Variants in ZNF560 observed in about 807,000 individuals in gnomAD.
ZNF560 encodes zinc finger protein 560.
In ZNF560, 54 loss-of-function variants were observed where a neutral mutation model predicts 81.8. That is an observed-to-expected ratio of 0.66 (90% CI 0.53 to 0.83). ZNF560 has a LOEUF of 0.83. Ranked by LOEUF, ZNF560 falls within the 40% of genes least tolerant of loss-of-function variation. ZNF560 has a pLI of 0.00. For missense variants in ZNF560, 940 were observed against 932.4 expected (o/e 1.01, Z -0.11); for synonymous variants, 321 against 317.9 (o/e 1.01, Z -0.10).
At chr19:9,481,430 A>G (rs535278326) in intron 2 of ZNF560, among the ~76,000 whole-genome samples, 1 of 152,370 alleles carries the variant, frequency 6.6e-6, no homozygotes, top group Non-Finnish European at 1.5e-5. Context: ...ATGGGATCTA[A>G]TTAAACTAAA....
intron 2 of ZNF560, among the ~76,000 whole-genome samples, chr19:9,483,564 C>G (rs1369187783): frequency 6.7e-6 from 1 of 149,388 alleles, no homozygotes; most frequent in East Asian, 2.0e-4. Flanking sequence ...GGCCAGCCGC[C>G]CCGTCCGGGA....
chr19:9,449,347 C>G, the ZNF560 span, among the ~76,000 whole-genome samples: 1 of 152,148 alleles, frequency 6.6e-6, no homozygotes, highest in Non-Finnish European at 1.5e-5. Flanking sequence ...ATACCAAGAT[C>G]TGTCAAAATC....
intron 2 of ZNF560, among the ~76,000 whole-genome samples, chr19:9,477,220 CAT>C (rs941314615): frequency 6.6e-6 from 1 of 151,882 alleles, no homozygotes; most frequent in African/African-American, 2.4e-5. Context: ...TACATATATA[CAT>C]ATATATATGC....
At chr19:9,491,126 T>C (rs1227140567) in intron 2 of ZNF560, among the ~76,000 whole-genome samples, 2 of 152,122 alleles carry the variant, frequency 1.3e-5, no homozygotes, top group Non-Finnish European at 2.9e-5. Context: ...TTGTTTTGTT[T>C]TTTTGAGACA....
intron 2 of ZNF560, among the ~76,000 whole-genome samples, chr19:9,486,110 TCA>T (rs1259992738): frequency 6.6e-6 from 1 of 152,144 alleles, no homozygotes; most frequent in Non-Finnish European, 1.5e-5. Flanking sequence ...CTTCTTCAAA[TCA>T]CAGTCACTTG....
chr19:9,449,925 C>T, the ZNF560 span, among the ~76,000 whole-genome samples: 19 of 141,266 alleles, frequency 1.3e-4, no homozygotes, highest in Non-Finnish European at 1.8e-4. Context: ...GCCAAGATTG[C>T]GCCATTGCAC....
At chr19:9,503,140 G>A (rs2073644849), upstream of ZNF560, among the ~76,000 whole-genome samples, 2 of 152,050 alleles carry the variant, frequency 1.3e-5, no homozygotes, top group African/African-American at 4.8e-5. Flanking sequence ...AAGATTGCTT[G>A]AGCCCAGGAA....
the ZNF560 span, among the ~76,000 whole-genome samples, chr19:9,449,620 A>G: frequency 6.6e-6 from 1 of 152,222 alleles, no homozygotes. Context: ...GCCATCTATG[A>G]CATAGCTGCA....
chr19:9,446,000 G>A, the ZNF560 span, among the ~76,000 whole-genome samples: 528 of 152,110 alleles, frequency 3.5e-3, 4 homozygotes, highest in African/African-American at 0.012. Flanking sequence ...AACAAACTGA[G>A]GTATTAATCT....
downstream of ZNF560, among the ~76,000 whole-genome samples, chr19:9,462,332 G>A (rs968137656): frequency 6.6e-6 from 1 of 152,224 alleles, no homozygotes; most frequent in African/African-American, 2.4e-5. Context: ...TAAGCAATCT[G>A]TGCCTTAATG....
chr19:9,497,614 A>C (rs1249610760), intron 2 of ZNF560, among the ~76,000 whole-genome samples: 1 of 152,086 alleles, frequency 6.6e-6, no homozygotes, highest in Non-Finnish European at 1.5e-5. Context: ...TTCACCATAA[A>C]ATTTATTTAC....
At chr19:9,491,593 G>A (rs1344489430) in intron 2 of ZNF560, among the ~76,000 whole-genome samples, 6 of 152,040 alleles carry the variant, frequency 3.9e-5, no homozygotes, top group South Asian at 2.1e-4. Flanking sequence ...TTGGGAGGCT[G>A]AGGCTGGCAG....
chr19:9,460,258 G>A, the ZNF560 span, among the ~76,000 whole-genome samples: 1 of 152,186 alleles, frequency 6.6e-6, no homozygotes, highest in Non-Finnish European at 1.5e-5. Context: ...CTCATCGAAA[G>A]CAGCCACCTA....
chr19:9,466,922 T>C lies in ZNF560; in HGVS notation c.2025A>G (p.Leu675=), dbSNP rs763287809. The C allele has an allele frequency of 3.7e-6, 6 of 1,614,042 alleles. No individual in the cohort carries two copies. In the East Asian group the frequency reaches 1.1e-4, roughly 30 times the overall value. Reference sequence around the variant, plus strand: ...AGGTCTTCTCTGCTGCATGAGTTTTTAAGTGTTGAGTTAGTACACAAGACC... The same window carrying C: ...AGGTCTTCTCTGCTGCATGAGTTTTCAAGTGTTGAGTTAGTACACAAGACC... ...YSRSCVLTQH[L]KTHAAEKTSE... Residue 675 remains leucine, a synonymous_variant, in exon 10 of 10, where the codon TTA becomes TTG. Transcript: ENST00000301480.
rs778805536 is a variant in ZNF560 at position 9,467,032 on chromosome 19, C to T, written c.1915G>A (p.Val639Ile). The change falls in exon 10 of 10, where the codon GTC becomes ATC. Residue 639 changes from valine (V) to isoleucine (I), a missense_variant. By Grantham distance (29) the Val-to-Ile change is conservative. Transcript: ENST00000301480. ...EYKDCGKAFV[V>I]SSSLVDHLRT... ...AAATGATCAACTAGACTGGAGGAGACAACAAAGGCTTTCCCACAGTCCTTA... is the reference window on the plus strand; with the variant it reads ...AAATGATCAACTAGACTGGAGGAGATAACAAAGGCTTTCCCACAGTCCTTA... 12 of 1,612,062 alleles carry T rather than the reference C, an allele frequency of 7.4e-6. No homozygotes were observed. Among genetic ancestry groups the T allele is most frequent in the South Asian group, 1.1e-5 (1 of 90,950 alleles).
At chr19:9,495,021 G>A (rs1440240664) in intron 2 of ZNF560, among the ~76,000 whole-genome samples, 3 of 152,108 alleles carry the variant, frequency 2.0e-5, no homozygotes, top group Non-Finnish European at 2.9e-5. Context: ...TAACTGCAAG[G>A]AAATGAATTT....
upstream of ZNF560, among the ~76,000 whole-genome samples, chr19:9,502,184 C>T (rs987546442): frequency 6.6e-6 from 1 of 150,804 alleles, no homozygotes; most frequent in Non-Finnish European, 1.5e-5. Flanking sequence ...AAAAAGTGTT[C>T]TCTCATGTTT....
intron 2 of ZNF560, among the ~76,000 whole-genome samples, chr19:9,490,979 G>C (rs2073463273): frequency 6.6e-6 from 1 of 152,120 alleles, no homozygotes; most frequent in Admixed American, 6.6e-5. Flanking sequence ...ACAAAACATT[G>C]CAACACTCCA....
intron 2 of ZNF560, among the ~76,000 whole-genome samples, chr19:9,479,896 G>T (rs1298270762): frequency 1.3e-5 from 2 of 151,970 alleles, no homozygotes; most frequent in South Asian, 2.1e-4. Context: ...AGGAAGGGGG[G>T]TTATCCTGAA....
Sources: gnomAD v4.1 joint callset for allele counts (sites outside exome capture counted in the v4.1 genomes callset) on GRCh38, gnomAD v4.1.1 for gene constraint, MANE v1.5 for transcripts, NCBI Gene and HGNC (gene_info 2026-07-23, HGNC 2026-07-21) for gene names.